Variants in ADGRG6 observed in about 807,000 individuals in gnomAD.
ADGRG6 encodes the protein adhesion G protein-coupled receptor G6.
In ADGRG6, 84 loss-of-function variants were observed where a neutral mutation model predicts 142.4. The ratio of observed to expected loss-of-function variants is 0.59; its 90% CI spans 0.49 to 0.71. The LOEUF is 0.71. Among genes scored for constraint, ADGRG6 ranks in the 30% least tolerant of loss-of-function variants. ADGRG6 has a pLI of 0.00. For synonymous variants in ADGRG6, 521 were observed against 520.5 expected, an observed-to-expected ratio of 1.00 and a Z score of -0.01; for missense variants, 1,367 against 1,466.6, an observed-to-expected ratio of 0.93 and a Z score of 1.11.
intron 2 of ADGRG6, among the ~76,000 whole-genome samples, chr6:142,319,676 T>G (rs1230927106): frequency 6.6e-6 from 1 of 152,114 alleles, no homozygotes; most frequent in Non-Finnish European, 1.5e-5. Flanking sequence ...AACTTAAATT[T>G]TTCCATAAGA....
In ADGRG6 at chr6:142,438,174, A is replaced by G. The variant is rs751808038; in HGVS notation, c.3422-38A>G. 21 of 1,425,106 alleles carry G rather than the reference A, an allele frequency of 1.5e-5. No homozygotes were observed. In the East Asian group the frequency reaches 5.0e-4, roughly 34 times the overall value. 88.3% of individuals were successfully genotyped at this position (1,425,106 alleles called of 1,614,324 possible). A position where few individuals can be genotyped will look rare whatever the true frequency, so the allele number is the denominator to read the frequency against. The stretch of plus-strand genomic sequence containing the variant: ...TTTCAGAGCAGTTCATATTCCCGGT[A>G]AAGCAGATTGATAGGGTGATGTCAT... On this transcript the variant is annotated intron_variant, in intron 23 of 24. Coordinates refer to ENST00000367609, the MANE Select transcript of ADGRG6 (RefSeq NM_198569.3).
chr6:142,422,772 G>C (rs1424122923), intron 22 of ADGRG6, among the ~76,000 whole-genome samples: 7 of 147,388 alleles, frequency 4.7e-5, no homozygotes, highest in African/African-American at 1.5e-4. Flanking sequence ...CTAGTTTACA[G>C]TCCCACCAAC....
At chr6:142,405,667 A>G (rs371521126) in intron 14 of ADGRG6, 21 bp from the exon 15 acceptor site, 79 of 1,583,310 alleles carry the variant, frequency 5.0e-5, no homozygotes, top group Non-Finnish European at 1.0e-5. Context: ...CTTGACCAAT[A>G]TATCTGTGTG....
rs142035975 is a variant in ADGRG6 at position 142,311,571 on chromosome 6, C to A, written c.103+1927C>A. On this transcript the variant is annotated intron_variant, in intron 2 of 24. Transcript: ENST00000367609. The stretch of plus-strand genomic sequence containing the variant: ...TTTGGATATATATGATATTTAAAAT[C>A]TTTTTTTGCATAAATCAAAGTGTAA... Among the ~76,000 whole-genome samples, 167 of 151,902 alleles carry A rather than the reference C, an allele frequency of 1.1e-3. 1 individual carries two copies. Among genetic ancestry groups the A allele is most frequent in the African/African-American group, 3.9e-3 (161 of 41,488 alleles).
Position 142,395,267 on chromosome 6 carries a change from G to A in ADGRG6, c.1424+1309G>A, listed in dbSNP as rs139289327. 4.4e-3 allele frequency among the ~76,000 whole-genome samples: 673 copies of A among 152,164 alleles called. 6 individuals are homozygous for A. The highest frequency in any genetic ancestry group is 0.016 in the African/African-American group (644 of 41,520). ...ATATTTCAGTACTGTATTCTTGAAG[G>A]TGACAGAACTCTTCTCCACTATTTA... is the stretch of plus-strand genomic sequence containing the variant. On this transcript the variant is annotated intron_variant, in intron 9 of 24. Coordinates refer to ENST00000367609, the MANE Select transcript of ADGRG6 (RefSeq NM_198569.3).
chr6:142,353,562 T>G (rs1780290534), intron 2 of ADGRG6, among the ~76,000 whole-genome samples: 1 of 152,212 alleles, frequency 6.6e-6, no homozygotes, highest in South Asian at 2.1e-4. Context: ...ATTACTTGGA[T>G]GTTGTATCAA....
intron 22 of ADGRG6, among the ~76,000 whole-genome samples, chr6:142,429,736 C>A (rs907704090): frequency 3.9e-5 from 6 of 152,090 alleles, no homozygotes; most frequent in Non-Finnish European, 7.4e-5. Flanking sequence ...GTAACTAGTT[C>A]TTGACCAGTT....
At chr6:142,382,046 A>C in intron 5 of ADGRG6, 27 bp downstream of exon 5, 1 of 1,423,048 alleles carries the variant, frequency 7.0e-7, no homozygotes, top group Non-Finnish European at 9.8e-7. Flanking sequence ...GTGCTCTGGA[A>C]TCTCTTTGCT....
chr6:142,369,042 T>C (rs761198363), intron 3 of ADGRG6, among the ~76,000 whole-genome samples: 21 of 152,308 alleles, frequency 1.4e-4, no homozygotes, highest in Middle Eastern at 3.4e-3. Context: ...TTAAATTCTA[T>C]CATAGATTTT....
chr6:142,378,742 C>T (rs898895018), intron 4 of ADGRG6, among the ~76,000 whole-genome samples: 1 of 152,206 alleles, frequency 6.6e-6, no homozygotes, highest in African/African-American at 2.4e-5. Flanking sequence ...TCCCACACAA[C>T]TCAAACTATT....
At chr6:142,329,329 CCTTT>C (rs1406292965) in intron 2 of ADGRG6, among the ~76,000 whole-genome samples, 3 of 151,906 alleles carry the variant, frequency 2.0e-5, no homozygotes, top group Non-Finnish European at 4.4e-5. Context: ...CATATTTTTT[CCTTT>C]CTGAGTGTTG....
chr6:142,404,280 G>T, intron 14 of ADGRG6: 1 of 301,922 alleles, frequency 3.3e-6, no homozygotes, highest in Non-Finnish European at 6.1e-6. Flanking sequence ...AGAGCTTTAA[G>T]GGCCCCAAGG....
At chr6:142,431,823 T>A (rs1777221196) in intron 22 of ADGRG6, among the ~76,000 whole-genome samples, 1 of 152,068 alleles carries the variant, frequency 6.6e-6, no homozygotes, top group Non-Finnish European at 1.5e-5. Context: ...CTCAGCAGAT[T>A]GAGGCAGGAG....
intron 24 of ADGRG6, among the ~76,000 whole-genome samples, chr6:142,439,689 G>C (rs1777649202): frequency 6.6e-6 from 1 of 152,212 alleles, no homozygotes; most frequent in East Asian, 1.9e-4. Flanking sequence ...TTGAAGTCTA[G>C]GACATTTTGG....
chr6:142,333,957 A>T (rs1779189123), intron 2 of ADGRG6, among the ~76,000 whole-genome samples: 1 of 152,184 alleles, frequency 6.6e-6, no homozygotes, highest in Non-Finnish European at 1.5e-5. Context: ...TAATTCAAAT[A>T]TATTTTGGTG....
chr6:142,378,556 A>G (rs1781603873), intron 4 of ADGRG6, among the ~76,000 whole-genome samples: 1 of 152,192 alleles, frequency 6.6e-6, no homozygotes, highest in South Asian at 2.1e-4. Flanking sequence ...ATTCAAGACA[A>G]AATTCCACCT....
At chr6:142,317,763 ATATT>A (rs1778168267) in intron 2 of ADGRG6, among the ~76,000 whole-genome samples, 1 of 102,652 alleles carries the variant, frequency 9.7e-6, no homozygotes, top group Non-Finnish European at 1.8e-5. Flanking sequence ...TATATTATAT[ATATT>A]TATATCATAT....
intron 2 of ADGRG6, among the ~76,000 whole-genome samples, chr6:142,352,227 A>T (rs147290177): frequency 6.6e-6 from 1 of 152,206 alleles, no homozygotes; most frequent in Non-Finnish European, 1.5e-5. Context: ...ATGCCCATCA[A>T]TGGTGGATTA....
intron 11 of ADGRG6, among the ~76,000 whole-genome samples, chr6:142,401,347 T>C (rs1775513935): frequency 6.6e-6 from 1 of 152,212 alleles, no homozygotes; most frequent in South Asian, 2.1e-4. Flanking sequence ...TTTAATCTTC[T>C]ATAAGATGTG....
Sources: allele counts gnomAD v4.1 joint callset (sites outside exome capture counted in the v4.1 genomes callset), GRCh38; gene constraint gnomAD v4.1.1; transcripts MANE v1.5; gene names NCBI Gene and HGNC (gene_info 2026-07-23, HGNC 2026-07-21).